CPEB1: variants seen among roughly 807,000 people sequenced by gnomAD.
The protein encoded by CPEB1 is cytoplasmic polyadenylation element-binding protein 1.
Under a neutral mutation model 65.8 loss-of-function variants are expected in CPEB1, and 7 were observed. The ratio of observed to expected loss-of-function variants is 0.11; its 90% CI spans 0.06 to 0.20. CPEB1 has a LOEUF of 0.20. Ranked by LOEUF, CPEB1 falls within the 10% of genes least tolerant of loss-of-function variation. CPEB1 has a pLI of 1.00. For missense variants in CPEB1, 551 were observed against 712.2 expected (o/e 0.77, Z 2.58); for synonymous variants, 262 against 260.0 (o/e 1.01, Z -0.08).
chr15:82,646,081 G>A (rs2047491365), intron 1 of CPEB1, among the ~76,000 whole-genome samples: 2 of 152,034 alleles, frequency 1.3e-5, no homozygotes, highest in African/African-American at 4.8e-5. Context: ...AAACCAACCA[G>A]GAAAACAATC....
intron 3 of CPEB1, among the ~76,000 whole-genome samples, chr15:82,580,081 G>A (rs2041117329): frequency 6.6e-6 from 1 of 151,676 alleles, no homozygotes; most frequent in East Asian, 1.9e-4. Flanking sequence ...CAGCACATTG[G>A]GAGGCCAAGG....
intron 3 of CPEB1, among the ~76,000 whole-genome samples, chr15:82,579,781 G>A (rs1388978972): frequency 6.6e-6 from 1 of 150,594 alleles, no homozygotes; most frequent in African/African-American, 2.4e-5. Context: ...GCGCAGTGGC[G>A]GGTGCCTGTA....
chr15:82,635,917 C>T (rs1567237974), intron 1 of CPEB1, among the ~76,000 whole-genome samples: 1 of 152,026 alleles, frequency 6.6e-6, no homozygotes, highest in Non-Finnish European at 1.5e-5. Context: ...TTCAAGAAAA[C>T]AAAGTAGTCC....
chr15:82,548,135 G>A (rs1040728764), intron 10 of CPEB1, among the ~76,000 whole-genome samples: 1 of 152,078 alleles, frequency 6.6e-6, no homozygotes. Context: ...AAGAGATGGA[G>A]ACCATCCTGG....
In CPEB1 at chr15:82,638,007, T is replaced by A. The variant is rs1354740484; in HGVS notation, c.-98+9130A>T. Reference sequence around the variant, plus strand: ...GGAGTGGCATTGACATTTTTGCAGATCTCTTTAGTATCTGGTTTAATATAA... The same window carrying A: ...GGAGTGGCATTGACATTTTTGCAGAACTCTTTAGTATCTGGTTTAATATAA... On this transcript the variant is annotated intron_variant, in intron 1 of 12. Coordinates refer to ENST00000684509, the MANE Select transcript of CPEB1 (RefSeq NM_001365242.1). The A allele has an allele frequency of 6.6e-6, 3 of 454,360 alleles. No homozygotes were observed. The Admixed American group carries it at 7.1e-5, about 11-fold the overall frequency. The allele number at this position is 454,360 out of a possible 1,614,324, so 28.1% of individuals were successfully genotyped here. A position where few individuals can be genotyped will look rare whatever the true frequency, so the allele number is the denominator to read the frequency against.
chr15:82,569,115 G>A (rs745999982), intron 4 of CPEB1, among the ~76,000 whole-genome samples: 14 of 152,328 alleles, frequency 9.2e-5, no homozygotes, highest in East Asian at 5.8e-4. Flanking sequence ...GTTTTCAGAC[G>A]GAAAGGCAGT....
At chr15:82,592,120 G>A (rs982205125) in intron 3 of CPEB1, among the ~76,000 whole-genome samples, 2 of 152,000 alleles carry the variant, frequency 1.3e-5, no homozygotes, top group African/African-American at 4.8e-5. Flanking sequence ...TGGATTACAA[G>A]CAGGAGCCAC....
intron 3 of CPEB1, among the ~76,000 whole-genome samples, chr15:82,613,652 A>C (rs1370393270): frequency 6.6e-6 from 1 of 152,216 alleles, no homozygotes; most frequent in East Asian, 1.9e-4. Flanking sequence ...GAGCCACTGC[A>C]TCCTGCAGAT....
At chr15:82,648,025 C>T (rs1596158031), upstream of CPEB1, 1 of 527,308 alleles carries the variant, frequency 1.9e-6, no homozygotes, top group Non-Finnish European at 2.9e-6. Context: ...TCGGAGCCGC[C>T]CCCCGGCCGG....
intron 12 of CPEB1, 41 bp from the exon 13 acceptor site, chr15:82,544,743 C>A: frequency 1.4e-6 from 2 of 1,451,578 alleles, no homozygotes; most frequent in East Asian, 2.3e-5. Flanking sequence ...ATGCCTGTGT[C>A]AGCACCAGAC....
At chr15:82,632,118 A>T (rs2046304737) in intron 1 of CPEB1, among the ~76,000 whole-genome samples, 2 of 150,200 alleles carry the variant, frequency 1.3e-5, no homozygotes, top group African/African-American at 4.9e-5. Context: ...AGTAGCTGGG[A>T]CTACATACGC....
chr15:82,644,476 A>C (rs2047341062), intron 1 of CPEB1, among the ~76,000 whole-genome samples: 1 of 152,260 alleles, frequency 6.6e-6, no homozygotes, highest in African/African-American at 2.4e-5. Flanking sequence ...GTTTTAAGAC[A>C]GATTCCAAAC....
chr15:82,571,894 A>G, intron 3 of CPEB1: 2 of 1,016,046 alleles, frequency 2.0e-6, no homozygotes, highest in Non-Finnish European at 2.4e-6. Flanking sequence ...GACAGGGAGG[A>G]GACTTGCCTC....
chr15:82,626,198 G>A (rs984665533), intron 3 of CPEB1, among the ~76,000 whole-genome samples: 1 of 151,644 alleles, frequency 6.6e-6, no homozygotes, highest in East Asian at 1.9e-4. Flanking sequence ...CACTTTGGGA[G>A]GCCAAGGCAC....
chr15:82,607,728 C>T (rs1347049071), intron 3 of CPEB1, among the ~76,000 whole-genome samples: 1 of 152,046 alleles, frequency 6.6e-6, no homozygotes, highest in Non-Finnish European at 1.5e-5. Context: ...AAAATTGTTA[C>T]TAGAGATAAA....
At chr15:82,643,383 G>A (rs2047252197) in intron 1 of CPEB1, among the ~76,000 whole-genome samples, 1 of 152,172 alleles carries the variant, frequency 6.6e-6, no homozygotes, top group South Asian at 2.1e-4. Flanking sequence ...TGTAATCCCA[G>A]CACTGTGGGA....
In CPEB1 at chr15:82,566,359, G is replaced by A. The variant is rs553148246; in HGVS notation, c.460+4985C>T. Among the ~76,000 whole-genome samples, 11 of 152,284 alleles carry A rather than the reference G, an allele frequency of 7.2e-5. No individual in the cohort carries two copies. The South Asian group carries it at 1.2e-3, about 17-fold the overall frequency. Reference sequence around the variant, plus strand: ...TATTTCTAGCCTGTGATATAAGGCCGTATACCTGGAACCCTTCTTCCCTAT... The same window carrying A: ...TATTTCTAGCCTGTGATATAAGGCCATATACCTGGAACCCTTCTTCCCTAT... On this transcript the variant is annotated intron_variant, in intron 4 of 12. Coordinates refer to ENST00000684509, the MANE Select transcript of CPEB1 (RefSeq NM_001365242.1).
chr15:82,625,623 C>T (rs961935798), intron 3 of CPEB1, among the ~76,000 whole-genome samples: 2 of 152,110 alleles, frequency 1.3e-5, no homozygotes, highest in Non-Finnish European at 2.9e-5. Flanking sequence ...GCCCTCCATA[C>T]GTGTGGGTTT....
At chr15:82,569,707 T>C (rs763403076) in intron 4 of CPEB1, among the ~76,000 whole-genome samples, 2 of 152,236 alleles carry the variant, frequency 1.3e-5, no homozygotes, top group African/African-American at 4.8e-5. Context: ...AATGTTATAA[T>C]GTATTTCAGA....
Sources: allele counts gnomAD v4.1 joint callset (sites outside exome capture counted in the v4.1 genomes callset), GRCh38; gene constraint gnomAD v4.1.1; transcripts MANE v1.5; gene names NCBI Gene and HGNC (gene_info 2026-07-23, HGNC 2026-07-21).